Variants in PTPRR observed in about 807,000 individuals in gnomAD.
PTPRR encodes protein tyrosine phosphatase receptor type R.
Under a neutral mutation model 77.2 loss-of-function variants are expected in PTPRR, and 38 were observed. That is an observed-to-expected ratio of 0.49 (90% CI 0.38 to 0.65). The LOEUF is 0.65. Among genes scored for constraint, PTPRR ranks in the 30% least tolerant of loss-of-function variants. The pLI, the probability that PTPRR is intolerant of heterozygous loss-of-function variation, is 0.00. For missense variants in PTPRR, 744 were observed against 799.2 expected, an observed-to-expected ratio of 0.93 and a Z score of 0.83; for synonymous variants, 299 against 283.1, an observed-to-expected ratio of 1.06 and a Z score of -0.57.
chr12:70,904,058 T>A (rs1293040009), intron 1 of PTPRR, among the ~76,000 whole-genome samples: 1 of 151,912 alleles, frequency 6.6e-6, no homozygotes, highest in Non-Finnish European at 1.5e-5. Context: ...TGAAATGTAC[T>A]AATAATACTG....
chr12:70,859,744 C>G (rs1459626132), intron 2 of PTPRR, among the ~76,000 whole-genome samples: 1 of 151,892 alleles, frequency 6.6e-6, no homozygotes, highest in Non-Finnish European at 1.5e-5. Flanking sequence ...CTCATTACAC[C>G]AAGATCCTGG....
intron 7 of PTPRR, among the ~76,000 whole-genome samples, chr12:70,699,671 A>G (rs976602253): frequency 3.3e-5 from 5 of 152,196 alleles, no homozygotes; most frequent in Non-Finnish European, 7.3e-5. Context: ...GCTATCCATG[A>G]TATTTATCCC....
At chr12:70,889,878 C>A (rs61930375) in intron 2 of PTPRR, among the ~76,000 whole-genome samples, 2 of 152,110 alleles carry the variant, frequency 1.3e-5, no homozygotes, top group Non-Finnish European at 2.9e-5. Flanking sequence ...CATTTCCATG[C>A]CGTTTCACTG....
intron 10 of PTPRR, among the ~76,000 whole-genome samples, chr12:70,667,734 T>A (rs994713582): frequency 6.6e-6 from 1 of 152,096 alleles, no homozygotes; most frequent in Non-Finnish European, 1.5e-5. Context: ...ACAGCATTCA[T>A]AATATCTAAT....
intron 2 of PTPRR, among the ~76,000 whole-genome samples, chr12:70,887,980 A>G (rs1180481276): frequency 1.3e-5 from 2 of 151,240 alleles, no homozygotes; most frequent in Non-Finnish European, 2.9e-5. Flanking sequence ...TTTGAATTTT[A>G]GTTCAATGGC....
chr12:70,857,914 A>T (rs1257762652), intron 2 of PTPRR, among the ~76,000 whole-genome samples: 1 of 152,106 alleles, frequency 6.6e-6, no homozygotes, highest in Non-Finnish European at 1.5e-5. Context: ...TTCTCTAGGG[A>T]TGTGGCAGCC....
At chr12:70,658,246 C>G (rs1432149463) in intron 12 of PTPRR, among the ~76,000 whole-genome samples, 1 of 152,176 alleles carries the variant, frequency 6.6e-6, no homozygotes, top group Non-Finnish European at 1.5e-5. Context: ...CCTTTTAAAA[C>G]CACAACATTG....
intron 2 of PTPRR, among the ~76,000 whole-genome samples, chr12:70,833,358 G>C (rs1892247696): frequency 1.3e-5 from 2 of 152,136 alleles, no homozygotes; most frequent in Non-Finnish European, 2.9e-5. Flanking sequence ...GAACAGGTAG[G>C]CTGGAGTGGT....
At chr12:70,894,798 G>A (rs574587719) in intron 1 of PTPRR, among the ~76,000 whole-genome samples, 48 of 151,752 alleles carry the variant, frequency 3.2e-4, no homozygotes, top group African/African-American at 1.0e-3. Context: ...TTAATATGGA[G>A]AAATAAAATG....
chr12:70,878,850 C>T (rs912021804), intron 2 of PTPRR, among the ~76,000 whole-genome samples: 1 of 152,132 alleles, frequency 6.6e-6, no homozygotes, highest in African/African-American at 2.4e-5. Flanking sequence ...TGGAACCAAC[C>T]CAAATGTCCA....
At chr12:70,835,458 A>G (rs1366945887) in intron 2 of PTPRR, among the ~76,000 whole-genome samples, 1 of 152,118 alleles carries the variant, frequency 6.6e-6, no homozygotes, top group African/African-American at 2.4e-5. Flanking sequence ...ATGGTGACTG[A>G]GCAGAGAGAT....
At chr12:70,869,263 G>A (rs1174903682) in intron 2 of PTPRR, among the ~76,000 whole-genome samples, 4 of 152,106 alleles carry the variant, frequency 2.6e-5, no homozygotes, top group Admixed American at 6.6e-5. Context: ...GGCTCACTGA[G>A]GGTCACTCAA....
intron 5 of PTPRR, among the ~76,000 whole-genome samples, chr12:70,749,696 C>T (rs4760932): frequency 0.8 from 121,171 of 151,962 alleles, 49,368 homozygotes; most frequent in East Asian, 1. Flanking sequence ...TTTCTTGCTG[C>T]GGCTACCAGA....
chr12:70,687,310 G>GATT (rs1044933585), intron 8 of PTPRR, among the ~76,000 whole-genome samples: 3 of 9,778 alleles, frequency 3.1e-4, no homozygotes, highest in Non-Finnish European at 1.6e-3. Context: ...TTGAAATAAA[G>GATT]ATATTTTATA....
intron 1 of PTPRR, among the ~76,000 whole-genome samples, chr12:70,915,910 C>G (rs1228438888): frequency 1.3e-5 from 2 of 152,138 alleles, no homozygotes; most frequent in Non-Finnish European, 2.9e-5. Context: ...TTTATTTAAT[C>G]TTTAGAAAGA....
In PTPRR at chr12:70,858,340, T is replaced by C. The variant is rs1892688373; in HGVS notation, c.357+34339A>G. On this transcript the variant is annotated intron_variant, in intron 2 of 13. Transcript: ENST00000283228. ...TATTTCCATCTTGGACTCTGTCTTGTAGGATGGACACTGACACAGGATAGA... is the reference window on the plus strand; with the variant it reads ...TATTTCCATCTTGGACTCTGTCTTGCAGGATGGACACTGACACAGGATAGA... Among the ~76,000 whole-genome samples, 2 of 152,108 alleles carry C rather than the reference T, an allele frequency of 1.3e-5. 1 individual carries two copies. The highest frequency in any genetic ancestry group is 4.8e-5 in the African/African-American group (2 of 41,406).
intron 1 of PTPRR, among the ~76,000 whole-genome samples, chr12:70,893,372 G>A (rs1164431930): frequency 6.6e-6 from 1 of 151,792 alleles, no homozygotes; most frequent in Non-Finnish European, 1.5e-5. Context: ...TTAAATATAA[G>A]CATTTCCTAC....
At chr12:70,842,983 GAT>G (rs1056646274) in intron 2 of PTPRR, among the ~76,000 whole-genome samples, 4 of 152,134 alleles carry the variant, frequency 2.6e-5, no homozygotes, top group Non-Finnish European at 5.9e-5. Flanking sequence ...GCACTACTTA[GAT>G]ATCTTAAGAA....
chr12:70,833,480 G>A (rs1188362992), intron 2 of PTPRR, among the ~76,000 whole-genome samples: 1 of 152,148 alleles, frequency 6.6e-6, no homozygotes, highest in African/African-American at 2.4e-5. Context: ...GTAAAGGTGA[G>A]CTTGAACTCA....
Sources: gnomAD v4.1 joint callset for allele counts (sites outside exome capture counted in the v4.1 genomes callset) on GRCh38, gnomAD v4.1.1 for gene constraint, MANE v1.5 for transcripts, NCBI Gene and HGNC (gene_info 2026-07-23, HGNC 2026-07-21) for gene names.